The following MCL1 variants were observed in gnomAD, a reference collection of about 807,000 sequenced individuals.
MCL1 encodes the protein MCL1 apoptosis regulator, BCL2 family member, also known as induced myeloid leukemia cell differentiation protein Mcl-1.
MCL1 carries 4 observed loss-of-function variants against 24.2 expected under a neutral mutation model. The ratio of observed to expected loss-of-function variants is 0.17; its 90% confidence interval spans 0.08 to 0.38. The LOEUF (loss-of-function observed/expected upper bound fraction) is 0.38. MCL1 is among the 10% of genes least tolerant of loss of function. The pLI is 1.00. For missense variants in MCL1, 529 were observed against 480.3 expected (o/e 1.10, Z -0.95); for synonymous variants, 248 against 214.0 (o/e 1.16, Z -1.39).
Position 150,578,489 on chromosome 1 carries a change from T to G in MCL1, c.691A>C (p.Met231Leu), listed in dbSNP as rs140449444. 2.4e-4 allele frequency: 395 copies of G among 1,614,016 alleles called. 3 individuals are homozygous for G. Among genetic ancestry groups the G allele is most frequent in the Non-Finnish European group, 3.9e-5 (46 of 1,179,998 alleles). Reference protein sequence around the residue: ...QRNHETAFQGMLRKLDIKNED... With the variant: ...QRNHETAFQGLLRKLDIKNED... The stretch of plus-strand genomic sequence containing the variant: ...TTTTTGATGTCCAGTTTCCGAAGCA[T>G]GCCTGAGAAAGAAAAGCATGCAGGT... Residue 231 changes from methionine (M) to leucine (L), a missense_variant and splice_region_variant, in exon 2 of 3, where the codon ATG (methionine) becomes CTG (leucine). Transcript: ENST00000369026.
chr1:150,578,737 G>A, intron 1 of MCL1, 106 bp downstream of exon 1: 3 of 1,253,224 alleles, frequency 2.4e-6, no homozygotes, highest in East Asian at 4.7e-5. Flanking sequence ...GATGAGACAC[G>A]TTTCAACACT....
chr1:150,577,509 A>G lies in MCL1; in HGVS notation c.937-18T>C. On this transcript the variant is annotated intron_variant, in intron 2 of 2. Coordinates refer to ENST00000369026, the MANE Select transcript of MCL1 (RefSeq NM_021960.5). ...AACCCATCCTAGAAAACAAAAAAGA[A>G]AAGCACATTTTCAAGTATGGGTTTC... 1 of 1,588,732 alleles carries G rather than the reference A, an allele frequency of 6.3e-7. No individual in the cohort carries two copies.
At chr1:150,578,157 A>AT in intron 2 of MCL1, 87 bp downstream of exon 2, 1 of 1,461,310 alleles carries the variant, frequency 6.8e-7, no homozygotes, top group Non-Finnish European at 9.3e-7. Flanking sequence ...TGCGTCATAA[A>AT]AACCTTTAGA....
Position 150,577,495 on chromosome 1 carries a change from GA to G in MCL1, c.937-5del, listed in dbSNP as rs1647860493. ...GGAAGAACTCCACAAACCCATCCTA[GA>G]AAACAAAAAAGAAAAGCACATTTTC... On this transcript the variant is annotated splice_polypyrimidine_tract_variant and splice_region_variant and intron_variant, in intron 2 of 2. Coordinates refer to ENST00000369026, the MANE Select transcript of MCL1 (RefSeq NM_021960.5). 1 of 1,594,866 alleles carries G rather than the reference GA, an allele frequency of 6.3e-7. No individual in the cohort carries two copies. Among genetic ancestry groups the G allele is most frequent in the Admixed American group, 1.8e-5 (1 of 54,054 alleles).
In MCL1 at chr1:150,578,942, T is replaced by C; in HGVS notation, c.589A>G (p.Lys197Glu). 6 of 1,613,756 alleles carry C rather than the reference T, an allele frequency of 3.7e-6. No individual in the cohort carries two copies. The highest frequency in any genetic ancestry group is 5.1e-6 in the Non-Finnish European group (6 of 1,180,018). ...GTGGCCCCAGACCTGCCCATTGGCT[T>C]TGTGTCCTTGGCGCCGGTGGCCTGC... is the stretch of plus-strand genomic sequence containing the variant. ...REQATGAKDT[K>E]PMGRSGATSR... Residue 197 changes from lysine to glutamate, a missense_variant, in exon 1 of 3, where the codon AAG becomes GAG. Coordinates refer to ENST00000369026, the MANE Select transcript of MCL1 (RefSeq NM_021960.5).
rs587767833 is a variant in MCL1 at position 150,574,607 on chromosome 1, G to T, written c.*2768C>A. ...TTCTCAGGAAAAACAGAAAGTTAGG[G>T]AAACACACTACATTTGACAACCAAC... On this transcript the variant is annotated 3_prime_UTR_variant, in exon 3 of 3. Transcript: ENST00000369026. The T allele has an allele frequency of 1.0e-4, 24 of 232,068 alleles. No homozygotes were observed. Among genetic ancestry groups the T allele is most frequent in the South Asian group, 7.3e-4 (4 of 5,512 alleles). The allele number at this position is 232,068 out of a possible 1,614,324, so 14.4% of individuals were successfully genotyped here.
chr1:150,579,185 C>T lies in MCL1; in HGVS notation c.346G>A (p.Ala116Thr), dbSNP rs1234060576. 1.9e-6 allele frequency: 3 copies of T among 1,604,458 alleles called. No individual in the cohort carries two copies. The highest frequency in any genetic ancestry group is 2.5e-6 in the Non-Finnish European group (3 of 1,177,464). The change falls in exon 1 of 3, where the codon GCT (alanine) becomes ACT (threonine). Residue 116 changes from alanine to threonine, a missense_variant. Coordinates refer to ENST00000369026, the MANE Select transcript of MCL1 (RefSeq NM_021960.5). ...APLEEMEAPAADAIMSPEEEL... is the reference protein window; with the variant it reads ...APLEEMEAPATDAIMSPEEEL... ...TCTTCGGGCGACATGATGGCGTCAG[C>T]GGCCGGGGCTTCCATCTCCTCAAGC...
At position 150,578,325 on chromosome 1, in the gene MCL1, G is replaced by A. The variant is rs922525749; in HGVS notation, c.855C>T (p.Ser285=). The change falls in exon 2 of 3, where the codon AGC becomes AGT. Residue 285 remains serine (S), a synonymous_variant. Coordinates refer to ENST00000369026, the MANE Select transcript of MCL1 (RefSeq NM_021960.5). ...AKHLKTINQE[S]CIEPLAESIT... ...TACTTTCTGCTAATGGTTCGATGCA[G>A]CTTTCTTGGTTTATGGTCTTCAAGT... The A allele has an allele frequency of 1.2e-6, 2 of 1,614,190 alleles. No individual in the cohort carries two copies. Among genetic ancestry groups the A allele is most frequent in the Non-Finnish European group, 1.7e-6 (2 of 1,180,042 alleles).
At position 150,579,106 on chromosome 1, in the gene MCL1, G is replaced by T; in HGVS notation, c.425C>A (p.Pro142Gln). The change falls in exon 1 of 3, where the codon CCG becomes CAG. Residue 142 changes from proline (P) to glutamine (Q), a missense_variant. Pro to Gln is a moderately conservative substitution (Grantham distance 76, BLOSUM62 -1). Coordinates refer to ENST00000369026, the MANE Select transcript of MCL1 (RefSeq NM_021960.5). ...AGATTCCCCGACCAACTCCAGCAGC[G>T]GCAGGACAGCCGGCCGCTTCCCGAG... Reference protein sequence around the residue: ...EPLGKRPAVLPLLELVGESGN... With the variant: ...EPLGKRPAVLQLLELVGESGN... 1 of 1,613,042 alleles carries T rather than the reference G, an allele frequency of 6.2e-7. No homozygotes were observed. Among genetic ancestry groups the T allele is most frequent in the East Asian group, 2.2e-5 (1 of 44,890 alleles).
At position 150,575,774 on chromosome 1, in the gene MCL1, T is replaced by C. The variant is rs1444033722; in HGVS notation, c.*1601A>G. 4.3e-6 allele frequency: 1 copy of C among 233,028 alleles called. No homozygotes were observed. The highest frequency in any genetic ancestry group is 8.5e-6 in the Non-Finnish European group (1 of 118,002). The allele number at this position is 233,028 out of a possible 1,614,324, so 14.4% of individuals were successfully genotyped here. A position where few individuals can be genotyped will look rare whatever the true frequency, so the allele number is the denominator to read the frequency against. On this transcript the variant is annotated 3_prime_UTR_variant, in exon 3 of 3. Transcript: ENST00000369026. ...TCACAGTGCCAAAATCTAAAAGGGC[T>C]AGAAAGAGTTCAGGGATGGCAGGGG...
rs1647826283 is a variant in MCL1, at chr1:150,576,793, G to C, written c.*582C>G. 8.6e-6 allele frequency: 2 copies of C among 232,628 alleles called. No individual in the cohort carries two copies. Among genetic ancestry groups the C allele is most frequent in the African/African-American group, 2.2e-5 (1 of 45,292 alleles). 14.4% of individuals were successfully genotyped at this position (232,628 alleles called of 1,614,324 possible). On this transcript the variant is annotated 3_prime_UTR_variant, in exon 3 of 3. Coordinates refer to ENST00000369026, the MANE Select transcript of MCL1 (RefSeq NM_021960.5). ...ATTGGTGATAAACTAGGCTAATAAA[G>C]TAAGAATCATGGAAACCAAGCCAAA...
At position 150,578,824 on chromosome 1, in the gene MCL1, G is replaced by A. The variant is rs1263872821; in HGVS notation, c.688+19C>T. On this transcript the variant is annotated intron_variant, in intron 1 of 2. Transcript: ENST00000369026. Reference sequence around the variant, plus strand: ...GGAAAAAAGGGAGTGAGGCCTTGGCGATTAATGAACCCCCTTACCTTGGAA... The same window carrying A: ...GGAAAAAAGGGAGTGAGGCCTTGGCAATTAATGAACCCCCTTACCTTGGAA... The A allele has an allele frequency of 2.5e-6, 4 of 1,597,802 alleles. No individual in the cohort carries two copies. Among genetic ancestry groups the A allele is most frequent in the Admixed American group, 3.4e-5 (2 of 58,188 alleles).
At position 150,577,273 on chromosome 1, in the gene MCL1, G is replaced by C. The variant is rs1647848128; in HGVS notation, c.*102C>G. On this transcript the variant is annotated 3_prime_UTR_variant, in exon 3 of 3. Coordinates refer to ENST00000369026, the MANE Select transcript of MCL1 (RefSeq NM_021960.5). ...ACTTGCTTTTCTGGCTAGGTTGCTA[G>C]GGTGCAACTCTAGGAAGTTACAGCT... is the stretch of plus-strand genomic sequence containing the variant. 1 of 1,460,012 alleles carries C rather than the reference G, an allele frequency of 6.8e-7. No homozygotes were observed. The highest frequency in any genetic ancestry group is 9.2e-7 in the Non-Finnish European group (1 of 1,087,382). 90.4% of individuals were successfully genotyped at this position (1,460,012 alleles called of 1,614,324 possible).
chr1:150,579,291 C>T lies in MCL1; in HGVS notation c.240G>A (p.Pro80=), dbSNP rs755995693. 25 of 1,475,998 alleles carry T rather than the reference C, an allele frequency of 1.7e-5. No homozygotes were observed. The East Asian group carries it at 3.0e-4, about 17-fold the overall frequency. The allele number at this position is 1,475,998 out of a possible 1,614,324, so 91.4% of individuals were successfully genotyped here. A position where few individuals can be genotyped will look rare whatever the true frequency, so the allele number is the denominator to read the frequency against. The change falls in exon 1 of 3, where the codon CCG becomes CCA. Residue 80 remains proline, a synonymous_variant. Transcript: ENST00000369026. ...TPDSRRVARP[P]PIGAEVPDVT... Reference sequence around the variant, plus strand: ...CGTCGGGGACCTCGGCGCCAATGGGCGGCGGCCGCGCGACCCTCCGGGAGT... The same window carrying T: ...CGTCGGGGACCTCGGCGCCAATGGGTGGCGGCCGCGCGACCCTCCGGGAGT...
Position 150,577,209 on chromosome 1 carries a change from T to C in MCL1, c.*166A>G. 1.3e-6 allele frequency: 1 copy of C among 793,542 alleles called. No individual in the cohort carries two copies. The highest frequency in any genetic ancestry group is 2.7e-5 in the East Asian group (1 of 37,606). The allele number at this position is 793,542 out of a possible 1,614,324, so 49.2% of individuals were successfully genotyped here. A position where few individuals can be genotyped will look rare whatever the true frequency, so the allele number is the denominator to read the frequency against. On this transcript the variant is annotated 3_prime_UTR_variant, in exon 3 of 3. Transcript: ENST00000369026. ...CTCTTCAATCAATGGGGAGCACTCT[T>C]CCCATGTATTTATTCTTGTTAGCCA...
rs1389595169 is a variant in MCL1, at chr1:150,579,118, G to A, written c.413C>T (p.Pro138Leu). The change falls in exon 1 of 3, where the codon CCG (proline) becomes CTG (leucine). Residue 138 changes from proline (P) to leucine (L), a missense_variant. By Grantham distance (98) the Pro-to-Leu change is moderately conservative (BLOSUM62 -3). Transcript: ENST00000369026. ...CAACTCCAGCAGCGGCAGGACAGCC[G>A]GCCGCTTCCCGAGAGGCTCCGGCTC... ...GYEPEPLGKR[P>L]AVLPLLELVG... is the part of the protein sequence containing the mutation. 1.9e-6 allele frequency: 3 copies of A among 1,612,874 alleles called. No homozygotes were observed. The highest frequency in any genetic ancestry group is 2.5e-6 in the Non-Finnish European group (3 of 1,180,030).
intron 2 of MCL1, 68 bp from the exon 3 acceptor site, chr1:150,577,559 A>T: frequency 7.6e-6 from 11 of 1,443,866 alleles, no homozygotes; most frequent in Non-Finnish European, 1.0e-5. Context: ...ACTACTATCC[A>T]GAGAGAAGGT....
At chr1:150,577,845 G>A (rs1462220285) in intron 2 of MCL1, among the ~76,000 whole-genome samples, 3 of 152,080 alleles carry the variant, frequency 2.0e-5, no homozygotes, top group Non-Finnish European at 4.4e-5. Flanking sequence ...TTTTCTCAAC[G>A]TAGTTAAGTA....
chr1:150,578,922 C>T lies in MCL1; in HGVS notation c.609G>A (p.Gly203=), dbSNP rs1474802054. 4 of 1,613,682 alleles carry T rather than the reference C, an allele frequency of 2.5e-6. No individual in the cohort carries two copies. The highest frequency in any genetic ancestry group is 1.1e-5 in the South Asian group (1 of 91,086). The change falls in exon 1 of 3, where the codon GGG becomes GGA. Residue 203 remains glycine (G), a synonymous_variant. Transcript: ENST00000369026. ...AKDTKPMGRS[G]ATSRKALETL... The stretch of plus-strand genomic sequence containing the variant: ...TCTCCAGCGCCTTCCTGCTGGTGGC[C>T]CCAGACCTGCCCATTGGCTTTGTGT...
Sources: allele counts gnomAD v4.1 joint callset (sites outside exome capture counted in the v4.1 genomes callset), GRCh38; gene constraint gnomAD v4.1.1; transcripts MANE v1.5; gene names NCBI Gene and HGNC (gene_info 2026-07-23, HGNC 2026-07-21).